Variants in ZBTB38 observed in about 807,000 individuals in gnomAD.
The protein encoded by ZBTB38 is zinc finger and BTB domain-containing protein 38.
A neutral mutation model predicts 76.8 loss-of-function variants in ZBTB38; 20 were observed. The ratio of observed to expected loss-of-function variants is 0.26; its 90% confidence interval spans 0.18 to 0.38. The LOEUF is 0.38. Ranked by LOEUF, ZBTB38 falls within the 10% of genes least tolerant of loss-of-function variation. The probability of loss-of-function intolerance (pLI) is 1.00; values close to 1 mark genes in which losing one functional copy is unlikely to be tolerated. For missense variants in ZBTB38, 1,082 were observed against 1,482.3 expected, an observed-to-expected ratio of 0.73 and a Z score of 4.43; for synonymous variants, 504 against 544.2, an observed-to-expected ratio of 0.93 and a Z score of 1.03.
chr3:141,397,518 G>C (rs1302655736), intron 4 of ZBTB38, among the ~76,000 whole-genome samples: 1 of 152,176 alleles, frequency 6.6e-6, no homozygotes, highest in Non-Finnish European at 1.5e-5. Flanking sequence ...CTTAGCACAA[G>C]AGGGCTAGCT....
At chr3:141,340,725 A>G (rs1005302679) in intron 1 of ZBTB38, among the ~76,000 whole-genome samples, 2 of 151,614 alleles carry the variant, frequency 1.3e-5, no homozygotes, top group Admixed American at 6.6e-5. Flanking sequence ...GTGAAACCCC[A>G]TCTCTACTAA....
rs1391888761 is a variant in ZBTB38 at position 141,340,920 on chromosome 3, G to GAA, written c.-739+16466_-739+16467dup. ...TCCAAAAAAGAAAAGAAAAGAAAAG[G>GAA]AAAGGAAAAAAGAAAAGAAAAGAAA... On this transcript the variant is annotated intron_variant, in intron 1 of 7. Transcript: ENST00000509842. Among the ~76,000 whole-genome samples, 5 of 26,664 alleles carry GAA rather than the reference G, an allele frequency of 1.9e-4. No individual in the cohort carries two copies. In the African/African-American group the frequency reaches 2.9e-3, roughly 15 times the overall value. 17.5% of individuals were successfully genotyped at this position (26,664 alleles called of 152,430 possible).
chr3:141,340,954 G>GAAAAGAAAAGA (rs375341315), intron 1 of ZBTB38, among the ~76,000 whole-genome samples: 63 of 53,484 alleles, frequency 1.2e-3, no homozygotes, highest in African/African-American at 8.7e-3. Flanking sequence ...AAGAAGGAAA[G>GAAAAGAAAAGA]AAAGAAAGAA....
At chr3:141,435,441 A>G (rs1213918018) in intron 5 of ZBTB38, among the ~76,000 whole-genome samples, 1 of 152,144 alleles carries the variant, frequency 6.6e-6, no homozygotes, top group Admixed American at 6.5e-5. Context: ...GTGGCTATAT[A>G]CACATGTGTA....
At chr3:141,378,739 T>G (rs191689494) in intron 2 of ZBTB38, among the ~76,000 whole-genome samples, 2 of 152,268 alleles carry the variant, frequency 1.3e-5, no homozygotes, top group Admixed American at 1.3e-4. Context: ...ACCCTCTGCT[T>G]CTCAGAGACT....
intron 1 of ZBTB38, among the ~76,000 whole-genome samples, chr3:141,343,350 A>C (rs974879261): frequency 1.3e-5 from 2 of 152,224 alleles, no homozygotes; most frequent in East Asian, 3.9e-4. Context: ...CATTCAAGGG[A>C]GCAGGACAGT....
chr3:141,442,511 T>C lies in ZBTB38; in HGVS notation c.123T>C (p.Asp41=), dbSNP rs202193764. The C allele has an allele frequency of 5.3e-5, 85 of 1,614,226 alleles. No homozygotes were observed. Among genetic ancestry groups the C allele is most frequent in the African/African-American group, 4.3e-4 (32 of 75,054 alleles). ...ILCDVTIIVE[D]TKFKAHSNVL... is the part of the protein sequence containing the mutation. ...GCGATGTCACTATCATTGTGGAAGA[T>C]ACCAAATTTAAAGCCCATAGCAATG... Residue 41 remains aspartate (D), a synonymous_variant, in exon 6 of 6, where the codon GAT becomes GAC. Coordinates refer to ENST00000321464, the MANE Select transcript of ZBTB38 (RefSeq NM_001376113.1). This position sits in a 1 kb window ranked among gnomAD's most constrained non-coding sequence, Gnocchi z 6.4.
chr3:141,402,304 G>A (rs981773538), intron 4 of ZBTB38: 1 of 151,886 alleles, frequency 6.6e-6, no homozygotes, highest in Non-Finnish European at 1.5e-5. Flanking sequence ...CCTCTGCCCC[G>A]CGCCGGGGGC....
At chr3:141,371,850 G>C (rs922484074) in intron 2 of ZBTB38, among the ~76,000 whole-genome samples, 8 of 152,172 alleles carry the variant, frequency 5.3e-5, no homozygotes, top group African/African-American at 1.7e-4. Flanking sequence ...TGTTGATGTT[G>C]GTGAAGTATT....
At position 141,445,928 on chromosome 3, in the gene ZBTB38, T is replaced by C. The variant is rs2081051931; in HGVS notation, c.3540T>C (p.Asn1180=). The C allele has an allele frequency of 3.7e-6, 6 of 1,604,454 alleles. No homozygotes were observed. The highest frequency in any genetic ancestry group is 5.1e-6 in the Non-Finnish European group (6 of 1,179,880). The change falls in exon 6 of 6, where the codon AAT becomes AAC. Residue 1180 remains asparagine (N), a synonymous_variant. Coordinates refer to ENST00000321464, the MANE Select transcript of ZBTB38 (RefSeq NM_001376113.1). This position sits in a 1 kb window ranked among gnomAD's most constrained non-coding sequence, Gnocchi z 6.5. ...ENQHFIGSED[N]DQKDNIQTGV... ...AACATTTCATTGGTTCAGAAGACAA[T>C]GACCAAAAGGATAACATACAAACCG... is the stretch of plus-strand genomic sequence containing the variant.
At chr3:141,392,858 T>C (rs1486434296) in intron 4 of ZBTB38, 1 of 152,220 alleles carries the variant, frequency 6.6e-6, no homozygotes, top group African/African-American at 2.4e-5. Context: ...GCAGAAGGCT[T>C]TCCGGGCAGC....
In ZBTB38 at chr3:141,445,388, G is replaced by A; in HGVS notation, c.3000G>A (p.Arg1000=). The change falls in exon 6 of 6, where the codon AGG becomes AGA. Residue 1000 remains arginine (R), a synonymous_variant. Coordinates refer to ENST00000321464, the MANE Select transcript of ZBTB38 (RefSeq NM_001376113.1). The surrounding 1 kb of genome is among the most constrained non-coding windows in gnomAD (Gnocchi z 6.5). ...DKAVGAGNQG[R]PHRHLTSRPY... ...CAGTGGGGGCTGGAAACCAAGGAAG[G>A]CCCCACCGACATCTTACTTCTCGGC... 1 of 1,614,064 alleles carries A rather than the reference G, an allele frequency of 6.2e-7. No individual in the cohort carries two copies. The highest frequency in any genetic ancestry group is 1.3e-5 in the African/African-American group (1 of 75,016).
At chr3:141,335,534 C>T (rs942399078) in intron 1 of ZBTB38, among the ~76,000 whole-genome samples, 2 of 152,224 alleles carry the variant, frequency 1.3e-5, no homozygotes, top group African/African-American at 4.8e-5. Context: ...AGATAACCTA[C>T]AAGATCTGGA....
At chr3:141,346,646 T>A (rs1334913449) in intron 1 of ZBTB38, among the ~76,000 whole-genome samples, 1 of 151,786 alleles carries the variant, frequency 6.6e-6, no homozygotes, top group Non-Finnish European at 1.5e-5. Context: ...AGACGAGGGG[T>A]AAATAGGAAA....
intron 2 of ZBTB38, among the ~76,000 whole-genome samples, chr3:141,371,426 C>T (rs959516030): frequency 2.0e-5 from 3 of 151,314 alleles, no homozygotes; most frequent in Admixed American, 6.6e-5. Context: ...GATCATGGCT[C>T]ACTGCAGCCT....
At chr3:141,367,662 G>T (rs1323261167), upstream of ZBTB38, 1 of 152,236 alleles carries the variant, frequency 6.6e-6, no homozygotes, top group African/African-American at 2.4e-5. Context: ...AGGCTTTAGA[G>T]AAGTGTCTTA....
At chr3:141,330,395 C>A (rs1942812883) in intron 1 of ZBTB38, among the ~76,000 whole-genome samples, 1 of 152,240 alleles carries the variant, frequency 6.6e-6, no homozygotes, top group Non-Finnish European at 1.5e-5. Flanking sequence ...AACCCACTCA[C>A]CAGAAAGCCT....
chr3:141,364,695 A>T (rs1943912954), upstream of ZBTB38, among the ~76,000 whole-genome samples: 1 of 132,476 alleles, frequency 7.5e-6, no homozygotes. Flanking sequence ...AAAAAAAAAA[A>T]AAAAAAAAAA....
At chr3:141,441,352 G>T (rs114869068) in intron 5 of ZBTB38, among the ~76,000 whole-genome samples, 62 of 152,334 alleles carry the variant, frequency 4.1e-4, no homozygotes, top group African/African-American at 1.4e-3. Flanking sequence ...GCTAATTCAG[G>T]AATCTATGAC....
Sources: gnomAD v4.1 joint callset for allele counts (sites outside exome capture counted in the v4.1 genomes callset) on GRCh38, gnomAD v4.1.1 for gene constraint, Gnocchi (gnomAD v3.1) non-coding constraint, MANE v1.5 for transcripts, NCBI Gene and HGNC (gene_info 2026-07-23, HGNC 2026-07-21) for gene names.